SH3D19: variants seen among roughly 807,000 people sequenced by gnomAD.
The protein encoded by SH3D19 is SH3 domain containing 19, also known as SH3 domain-containing protein 19.
A neutral mutation model predicts 112.1 loss-of-function variants in SH3D19; 58 were observed. The ratio of observed to expected loss-of-function variants is 0.52; its 90% CI spans 0.42 to 0.64. The LOEUF (loss-of-function observed/expected upper bound fraction) is 0.64. SH3D19 is among the 30% of genes least tolerant of loss of function. The pLI is 0.00. For missense variants in SH3D19, 1,090 were observed against 1,263.4 expected (o/e 0.86, Z 2.08); for synonymous variants, 391 against 448.5 (o/e 0.87, Z 1.62).
At chr4:151,204,854 T>C (rs1764877258) in intron 2 of SH3D19, among the ~76,000 whole-genome samples, 1 of 152,170 alleles carries the variant, frequency 6.6e-6, no homozygotes, top group Non-Finnish European at 1.5e-5. Context: ...AGAGTCTCAC[T>C]TTGTCACCCA....
intron 1 of SH3D19, among the ~76,000 whole-genome samples, chr4:151,247,577 CAG>C (rs1646615558): frequency 2.0e-5 from 3 of 152,216 alleles, no homozygotes; most frequent in Admixed American, 1.3e-4. Context: ...AGTAAATTTA[CAG>C]AGTTGTGCAA....
intron 7 of SH3D19, chr4:151,165,958 C>T (rs1395552574): frequency 2.9e-6 from 1 of 343,962 alleles, no homozygotes; most frequent in Non-Finnish European, 5.4e-6. Flanking sequence ...AGAAGCTGAT[C>T]TTTCAGGGGA....
intron 12 of SH3D19, among the ~76,000 whole-genome samples, chr4:151,141,921 T>A (rs1753067445): frequency 6.6e-6 from 1 of 152,224 alleles, no homozygotes; most frequent in Admixed American, 6.5e-5. Flanking sequence ...TTTTCCCTTC[T>A]CTGCCTTCAG....
intron 1 of SH3D19, among the ~76,000 whole-genome samples, chr4:151,305,333 T>C (rs1038499092): frequency 6.6e-6 from 1 of 152,256 alleles, no homozygotes; most frequent in South Asian, 2.1e-4. Context: ...TTTATACTTC[T>C]GTATTATTGT....
rs185875035 is a variant in SH3D19, at chr4:151,179,082, A to T, written c.236+273T>A. Among the ~76,000 whole-genome samples the T allele has an allele frequency of 2.7e-3, 408 of 152,346 alleles. 3 individuals carry two copies. The highest frequency in any genetic ancestry group is 7.0e-3 in the African/African-American group (292 of 41,598). On this transcript the variant is annotated intron_variant, in intron 4 of 19. Coordinates refer to ENST00000604030, the MANE Select transcript of SH3D19 (RefSeq NM_001378122.1). ...CAAAGCATTTCTCTGAAGCAGTTAC[A>T]ATGCTTTACATGTAACAGCTGTTTA...
chr4:151,160,322 C>T (rs1330478165), intron 8 of SH3D19, among the ~76,000 whole-genome samples: 2 of 152,044 alleles, frequency 1.3e-5, no homozygotes, highest in Non-Finnish European at 2.9e-5. Flanking sequence ...CTCCTGACCT[C>T]GTGATCCGCC....
rs1759681809 is a variant in SH3D19 at position 151,174,860 on chromosome 4, G to A, written c.1344C>T (p.Pro448=). 1 of 1,603,552 alleles carries A rather than the reference G, an allele frequency of 6.2e-7. No individual in the cohort carries two copies. The highest frequency in any genetic ancestry group is 1.7e-5 in the Admixed American group (1 of 59,000). ...SAPLKPVTVP[P]RLAGASQAKA... is the part of the protein sequence containing the mutation. Reference sequence around the variant, plus strand: ...TGGCTTGTGATGCCCCTGCGAGTCGGGGAGGAACAGTGACAGGTTTCAGTG... The same window carrying A: ...TGGCTTGTGATGCCCCTGCGAGTCGAGGAGGAACAGTGACAGGTTTCAGTG... The change falls in exon 7 of 20, where the codon CCC becomes CCT. Residue 448 remains proline, a synonymous_variant. Coordinates refer to ENST00000604030, the MANE Select transcript of SH3D19 (RefSeq NM_001378122.1).
At chr4:151,164,083 T>TGG (rs1757587986) in intron 8 of SH3D19, among the ~76,000 whole-genome samples, 1 of 152,148 alleles carries the variant, frequency 6.6e-6, no homozygotes, top group African/African-American at 2.4e-5. Context: ...GAAACCAAGA[T>TGG]GATCCTTCTG....
intron 2 of SH3D19, among the ~76,000 whole-genome samples, chr4:151,207,825 CAAT>C (rs1472527916): frequency 6.6e-6 from 1 of 152,134 alleles, no homozygotes; most frequent in Non-Finnish European, 1.5e-5. Flanking sequence ...TTCTTTAGGA[CAAT>C]AATAATGCAA....
In SH3D19 at chr4:151,149,522, C is replaced by G; in HGVS notation, c.1795G>C (p.Val599Leu). The G allele has an allele frequency of 6.2e-7, 1 of 1,611,268 alleles. No individual in the cohort carries two copies. The highest frequency in any genetic ancestry group is 8.5e-7 in the Non-Finnish European group (1 of 1,178,562). Residue 599 changes from valine (V) to leucine (L), a missense_variant, in exon 10 of 20, where the codon GTA becomes CTA. Val to Leu is a conservative substitution (Grantham distance 32, BLOSUM62 1). Coordinates refer to ENST00000604030, the MANE Select transcript of SH3D19 (RefSeq NM_001378122.1). ...HPGQTGGFVR[V>L]PPRLPPRPVN... ...TACCTCGGTGGCAACCTTGGGGGTACTCGCACAAAACCTCCTGTTTGACCT... is the reference window on the plus strand; with the variant it reads ...TACCTCGGTGGCAACCTTGGGGGTAGTCGCACAAAACCTCCTGTTTGACCT...
intron 1 of SH3D19, among the ~76,000 whole-genome samples, chr4:151,253,753 A>C (rs936731372): frequency 2.0e-5 from 3 of 151,090 alleles, no homozygotes; most frequent in East Asian, 1.9e-4. Context: ...AAAAAAAAAA[A>C]AACAAGAAAA....
intron 2 of SH3D19, among the ~76,000 whole-genome samples, chr4:151,204,089 G>C (rs1764765696): frequency 6.6e-6 from 1 of 151,882 alleles, no homozygotes. Context: ...AACTAGTCTG[G>C]TATAAATTCT....
chr4:151,226,212 T>A, intron 1 of SH3D19, 126 bp from the exon 2 acceptor site: 2 of 1,226,910 alleles, frequency 1.6e-6, no homozygotes, highest in Non-Finnish European at 2.0e-6. Context: ...TGTGTCTTCC[T>A]AAGTATAAGG....
At chr4:151,170,992 G>A (rs1758939572) in intron 7 of SH3D19, among the ~76,000 whole-genome samples, 1 of 152,116 alleles carries the variant, frequency 6.6e-6, no homozygotes, top group African/African-American at 2.4e-5. Context: ...ATAATATCTT[G>A]GAGGTTGGTC....
intron 2 of SH3D19, among the ~76,000 whole-genome samples, chr4:151,221,412 G>T (rs750061510): frequency 2.6e-5 from 4 of 152,212 alleles, no homozygotes; most frequent in Non-Finnish European, 1.5e-5. Context: ...GGGTAGCCCT[G>T]CTCAGCTGAG....
Position 151,197,987 on chromosome 4 carries a change from T to C in SH3D19, c.153-10524A>G, listed in dbSNP as rs1763723611. 2.0e-5 allele frequency among the ~76,000 whole-genome samples: 3 copies of C among 152,110 alleles called. No homozygotes were observed. In the South Asian group the frequency reaches 6.2e-4, roughly 31 times the overall value. On this transcript the variant is annotated intron_variant, in intron 2 of 19. Transcript: ENST00000604030. ...AAATTGTTGTGACACTGTAAGATTTTTTCCACATCAGATAACTTTAAAAAA... is the reference window on the plus strand; with the variant it reads ...AAATTGTTGTGACACTGTAAGATTTCTTCCACATCAGATAACTTTAAAAAA...
chr4:151,218,740 T>A (rs548594027), intron 2 of SH3D19, among the ~76,000 whole-genome samples: 3 of 152,316 alleles, frequency 2.0e-5, no homozygotes, highest in East Asian at 3.9e-4. Context: ...CTTCCGCACA[T>A]CTTTTTATAC....
chr4:151,307,264 C>G (rs541977401), intron 1 of SH3D19, among the ~76,000 whole-genome samples: 1 of 152,180 alleles, frequency 6.6e-6, no homozygotes, highest in Non-Finnish European at 1.5e-5. Flanking sequence ...CCTCGTGATC[C>G]GCCCGCCTCG....
Position 151,125,344 on chromosome 4 carries a change from T to C in SH3D19, c.3027+2274A>G, listed in dbSNP as rs1224202912. ...AGGCATTGGTGGCTCACACCTGTAG[T>C]CCCAGCTACTCAGGGAGCTGAGGGG... On this transcript the variant is annotated intron_variant, in intron 19 of 19. Coordinates refer to ENST00000604030, the MANE Select transcript of SH3D19 (RefSeq NM_001378122.1). 2.0e-5 allele frequency among the ~76,000 whole-genome samples: 3 copies of C among 151,346 alleles called. No homozygotes were observed. In the East Asian group the frequency reaches 5.9e-4, roughly 30 times the overall value.
Sources: allele counts gnomAD v4.1 joint callset (sites outside exome capture counted in the v4.1 genomes callset), GRCh38; gene constraint gnomAD v4.1.1; transcripts MANE v1.5; gene names NCBI Gene and HGNC (gene_info 2026-07-23, HGNC 2026-07-21).